CAT: variants seen among roughly 807,000 people sequenced by gnomAD.
The protein encoded by CAT is catalase, also known as epididymis secretory sperm binding protein.
CAT carries 43 observed loss-of-function variants against 59.0 expected under a neutral mutation model. The observed-to-expected ratio is 0.73, with a 90% confidence interval of 0.57 to 0.94. The LOEUF is 0.94. CAT is among the 40% of genes least tolerant of loss of function. CAT has a pLI of 0.00. For missense variants in CAT, 664 were observed against 682.9 expected, an observed-to-expected ratio of 0.97 and a Z score of 0.31; for synonymous variants, 218 against 230.9, an observed-to-expected ratio of 0.94 and a Z score of 0.51.
rs1856517197 is a variant in CAT at position 34,450,969 on chromosome 11, T to C, written c.239-19T>C. The C allele has an allele frequency of 6.6e-7, 1 of 1,514,308 alleles. No individual in the cohort carries two copies. The highest frequency in any genetic ancestry group is 1.4e-5 in the African/African-American group (1 of 73,000). 93.8% of individuals were successfully genotyped at this position (1,514,308 alleles called of 1,614,324 possible). A position where few individuals can be genotyped will look rare whatever the true frequency, so the allele number is the denominator to read the frequency against. On this transcript the variant is annotated intron_variant, in intron 2 of 12. Transcript: ENST00000241052. ...GAGTAATGGTCTCATGGTAAGGATTTCTGTGTCTTTCTCGTTAGGGGCCTT... is the reference window on the plus strand; with the variant it reads ...GAGTAATGGTCTCATGGTAAGGATTCCTGTGTCTTTCTCGTTAGGGGCCTT...
intron 9 of CAT, among the ~76,000 whole-genome samples, chr11:34,463,182 G>A (rs1461184607): frequency 2.0e-5 from 3 of 152,008 alleles, no homozygotes; most frequent in Non-Finnish European, 4.4e-5. Context: ...TGTGTGCTCG[G>A]GTAATGAAAG....
intron 8 of CAT, among the ~76,000 whole-genome samples, chr11:34,460,036 GT>G (rs1460947240): frequency 6.6e-6 from 1 of 152,212 alleles, no homozygotes; most frequent in Non-Finnish European, 1.5e-5. Flanking sequence ...TTGGAACAAA[GT>G]TATTGCTTAA....
intron 2 of CAT, 92 bp downstream of exon 2, chr11:34,449,455 A>AATGGAGATTTGACACTT: frequency 9.1e-7 from 1 of 1,093,512 alleles, no homozygotes; most frequent in Non-Finnish European, 1.4e-6. Flanking sequence ...CTTTAACACA[A>AATGGAGATTTGACACTT]GTGTCAAATC....
Position 34,453,113 on chromosome 11 carries a change from A to C in CAT, c.504A>C (p.Gln168His). Residue 168 changes from glutamine (Q) to histidine (H), a missense_variant, in exon 5 of 13, where the codon CAA becomes CAC. Physicochemically the swap from Gln to His is conservative, Grantham distance 24. Transcript: ENST00000241052. ...AGTTTCCATCTTTTATCCACAGCCA[A>C]AAGAGAAATCCTCAGACACATCTGA... Reference protein sequence around the residue: ...PILFPSFIHSQKRNPQTHLKD... With the variant: ...PILFPSFIHSHKRNPQTHLKD... 6.2e-7 allele frequency: 1 copy of C among 1,612,834 alleles called. No individual in the cohort carries two copies. Among genetic ancestry groups the C allele is most frequent in the Non-Finnish European group, 8.5e-7 (1 of 1,178,900 alleles).
chr11:34,460,819 A>C, intron 8 of CAT: 1 of 250,674 alleles, frequency 4.0e-6, no homozygotes, highest in Non-Finnish European at 7.8e-6. Context: ...GCTTTTTGTA[A>C]AGAGCAAATG....
intron 3 of CAT, among the ~76,000 whole-genome samples, chr11:34,451,608 C>T (rs904996364): frequency 6.6e-6 from 1 of 152,152 alleles, no homozygotes. Context: ...TTCACTAGTT[C>T]CGTTTCTGTG....
intron 10 of CAT, among the ~76,000 whole-genome samples, chr11:34,467,207 A>T (rs1409202876): frequency 2.0e-5 from 3 of 152,246 alleles, no homozygotes; most frequent in African/African-American, 7.2e-5. Context: ...ATAACCAAAT[A>T]ATATTTTCTA....
In CAT at chr11:34,471,814, GAT is replaced by G. The variant is rs1478732403; in HGVS notation, c.*383_*384del. ...TGGCTATAAATATATAAAAAGAAAA[GAT>G]AAAGATGATCTACTCAGAAATTTTT... is the stretch of plus-strand genomic sequence containing the variant. On this transcript the variant is annotated 3_prime_UTR_variant, in exon 13 of 13. Coordinates refer to ENST00000241052, the MANE Select transcript of CAT (RefSeq NM_001752.4). 4.3e-5 allele frequency: 9 copies of G among 209,702 alleles called. No individual in the cohort carries two copies. Among genetic ancestry groups the G allele is most frequent in the Admixed American group, 2.1e-4 (4 of 18,958 alleles). 13.0% of individuals were successfully genotyped at this position (209,702 alleles called of 1,614,324 possible).
intron 1 of CAT, among the ~76,000 whole-genome samples, chr11:34,445,996 C>G (rs1856449600): frequency 6.6e-6 from 1 of 152,270 alleles, no homozygotes; most frequent in Non-Finnish European, 1.5e-5. Context: ...GGTCCGTTTT[C>G]TAGCCCCACC....
At chr11:34,446,933 A>G (rs1378594235) in intron 1 of CAT, among the ~76,000 whole-genome samples, 2 of 151,988 alleles carry the variant, frequency 1.3e-5, no homozygotes, top group South Asian at 2.1e-4. Context: ...TAGTAGAGAC[A>G]GGGTTTCTCC....
At chr11:34,459,147 A>G (rs908592494) in intron 8 of CAT, among the ~76,000 whole-genome samples, 2 of 152,130 alleles carry the variant, frequency 1.3e-5, no homozygotes, top group African/African-American at 4.8e-5. Flanking sequence ...GCCTGTGAGG[A>G]GCCATACAGT....
rs1856721871 is a variant in CAT, at chr11:34,466,685, G to T, written c.1327-1603G>T. Among the ~76,000 whole-genome samples the T allele has an allele frequency of 4.7e-5, 7 of 149,380 alleles. 1 individual carries two copies. The Admixed American group carries it at 4.8e-4, about 10-fold the overall frequency. On this transcript the variant is annotated intron_variant, in intron 10 of 12. Transcript: ENST00000241052. ...AGTCCCAGCTACTCAGGAGGCTGAG[G>T]CAGGAGAATGGCGTGAACCCGGGAG...
At chr11:34,446,266 G>A (rs1027330995) in intron 1 of CAT, among the ~76,000 whole-genome samples, 2 of 152,150 alleles carry the variant, frequency 1.3e-5, no homozygotes, top group Non-Finnish European at 1.5e-5. Context: ...ATATACATGA[G>A]CTTGTGGGGA....
At position 34,461,333 on chromosome 11, in the gene CAT, G is replaced by T; in HGVS notation, c.1139G>T (p.Arg380Leu). ...YLHIPVNCPY[R>L]ARVANYQRDG... ...CATATACCTGTGAACTGTCCCTACC[G>T]TGCTCGAGTGGCCAACTACCAGCGT... Residue 380 changes from arginine (R) to leucine (L), a missense_variant, in exon 9 of 13, where the codon CGT becomes CTT. By Grantham distance (102) the Arg-to-Leu change is moderately radical. Transcript: ENST00000241052. 1 of 1,614,168 alleles carries T rather than the reference G, an allele frequency of 6.2e-7. No homozygotes were observed. The highest frequency in any genetic ancestry group is 2.2e-5 in the East Asian group (1 of 44,878).
intron 8 of CAT, among the ~76,000 whole-genome samples, chr11:34,460,441 C>T (rs1010920446): frequency 3.2e-5 from 4 of 123,226 alleles, no homozygotes; most frequent in East Asian, 2.5e-4. Context: ...TGGGAGTGGG[C>T]GGTACTTTTT....
Position 34,471,709 on chromosome 11 carries a change from A to C in CAT, c.*276A>C. 2.2e-6 allele frequency: 1 copy of C among 457,440 alleles called. No homozygotes were observed. The highest frequency in any genetic ancestry group is 4.0e-6 in the Non-Finnish European group (1 of 251,006). 28.3% of individuals were successfully genotyped at this position (457,440 alleles called of 1,614,324 possible). On this transcript the variant is annotated 3_prime_UTR_variant, in exon 13 of 13. Transcript: ENST00000241052. Reference sequence around the variant, plus strand: ...ATGATTAGAAGGCAAGTTTCTAGCTAGAAATATGATTTTATTTGACAAAAT... The same window carrying C: ...ATGATTAGAAGGCAAGTTTCTAGCTCGAAATATGATTTTATTTGACAAAAT...
rs1312972407 is a variant in CAT at position 34,453,818 on chromosome 11, T to C, written c.603T>C (p.Ser201=). The change falls in exon 6 of 13, where the codon AGT becomes AGC. Residue 201 remains serine (S), a synonymous_variant. Coordinates refer to ENST00000241052, the MANE Select transcript of CAT (RefSeq NM_001752.4). ...ESLHQVSFLF[S]DRGIPDGHRH... ...TTCTTTAGGTTTCTTTCTTGTTCAG[T>C]GATCGGGGGATTCCAGATGGACATC... 1.2e-6 allele frequency: 2 copies of C among 1,613,548 alleles called. No homozygotes were observed. The highest frequency in any genetic ancestry group is 2.7e-5 in the African/African-American group (2 of 74,922).
At chr11:34,440,023 G>A (rs1856368828) in intron 1 of CAT, among the ~76,000 whole-genome samples, 1 of 152,194 alleles carries the variant, frequency 6.6e-6, no homozygotes, top group Non-Finnish European at 1.5e-5. Flanking sequence ...TGAGGAGGTT[G>A]GATTAGATGA....
At chr11:34,450,111 G>C (rs1856505507) in intron 2 of CAT, among the ~76,000 whole-genome samples, 1 of 150,814 alleles carries the variant, frequency 6.6e-6, no homozygotes, top group East Asian at 2.1e-4. Flanking sequence ...GCCTCAGCTA[G>C]GAATAGATTT....
Sources: gnomAD v4.1 joint callset for allele counts (sites outside exome capture counted in the v4.1 genomes callset) on GRCh38, gnomAD v4.1.1 for gene constraint, MANE v1.5 for transcripts, NCBI Gene and HGNC (gene_info 2026-07-23, HGNC 2026-07-21) for gene names.